Variants in SDK1 observed in about 807,000 individuals in gnomAD.
SDK1 encodes protein sidekick-1.
Under a neutral mutation model 245.5 loss-of-function variants are expected in SDK1, and 157 were observed. That is an observed-to-expected ratio of 0.64 (90% confidence interval 0.56 to 0.73). The LOEUF is 0.73. Ranked by LOEUF, SDK1 falls within the 30% of genes least tolerant of loss-of-function variation. The pLI is 0.00. For synonymous variants in SDK1, 1,647 were observed against 1,278.5 expected (o/e 1.29, Z -6.15); for missense variants, 3,583 against 3,002.3 (o/e 1.19, Z -4.52).
rs78098935 is a variant in SDK1 at position 3,384,138 on chromosome 7, G to A, written c.298+82254G>A. Among the ~76,000 whole-genome samples, 167 of 152,106 alleles carry A rather than the reference G, an allele frequency of 1.1e-3. 1 individual carries two copies. Among genetic ancestry groups the A allele is most frequent in the African/African-American group, 3.8e-3 (159 of 41,502 alleles). ...TATTTGAAATGAAACTTCTTTTACAGCTATTCATGGAAGAAAACTTTAATA... is the reference window on the plus strand; with the variant it reads ...TATTTGAAATGAAACTTCTTTTACAACTATTCATGGAAGAAAACTTTAATA... On this transcript the variant is annotated intron_variant, in intron 1 of 44. Coordinates refer to ENST00000404826, the MANE Select transcript of SDK1 (RefSeq NM_152744.4).
At chr7:4,133,298 A>C (rs1293663507) in intron 28 of SDK1, among the ~76,000 whole-genome samples, 2 of 152,206 alleles carry the variant, frequency 1.3e-5, no homozygotes, top group Non-Finnish European at 2.9e-5. Context: ...ATTTTAAAAC[A>C]TCCCAGTTCC....
intron 4 of SDK1, among the ~76,000 whole-genome samples, chr7:3,767,835 C>G (rs886145828): frequency 3.3e-5 from 5 of 152,124 alleles, no homozygotes; most frequent in African/African-American, 1.2e-4. Context: ...AAAAAAATAG[C>G]ACAACAAAGT....
chr7:3,664,448 A>G (rs1783462469), intron 4 of SDK1, among the ~76,000 whole-genome samples: 1 of 152,144 alleles, frequency 6.6e-6, no homozygotes, highest in Admixed American at 6.5e-5. Context: ...TATAAATTTG[A>G]GAACTAGCAT....
rs147814149 is a variant in SDK1, at chr7:3,485,147, C to T, written c.299-133933C>T. Reference sequence around the variant, plus strand: ...ACCGTATGAACATTCTTTTTCTCTGCATCCTAGCCAGCATTTGTTATTTTC... The same window carrying T: ...ACCGTATGAACATTCTTTTTCTCTGTATCCTAGCCAGCATTTGTTATTTTC... On this transcript the variant is annotated intron_variant, in intron 1 of 44. Transcript: ENST00000404826. Among the ~76,000 whole-genome samples the T allele has an allele frequency of 7.6e-4, 115 of 152,232 alleles. 4 individuals are homozygous for T. In the East Asian group the frequency reaches 0.022, roughly 29 times the overall value.
intron 22 of SDK1, among the ~76,000 whole-genome samples, chr7:4,103,023 CAG>C (rs900844989): frequency 7.1e-6 from 1 of 141,556 alleles, no homozygotes; most frequent in Non-Finnish European, 1.5e-5. Context: ...TTTTTGGAGA[CAG>C]AGTCTCACTC....
intron 4 of SDK1, among the ~76,000 whole-genome samples, chr7:3,773,368 C>T (rs1447112009): frequency 6.6e-6 from 1 of 151,736 alleles, no homozygotes; most frequent in Non-Finnish European, 1.5e-5. Flanking sequence ...TTTTTCTGCT[C>T]CAGAATTTCT....
chr7:3,598,340 T>G (rs2032556149), intron 1 of SDK1, among the ~76,000 whole-genome samples: 1 of 152,250 alleles, frequency 6.6e-6, no homozygotes, highest in African/African-American at 2.4e-5. Context: ...TTTCTCTTAC[T>G]CTGTGGCTTT....
intron 1 of SDK1, among the ~76,000 whole-genome samples, chr7:3,412,626 A>G (rs1562471537): frequency 6.6e-6 from 1 of 152,212 alleles, no homozygotes; most frequent in Admixed American, 6.5e-5. Flanking sequence ...AAGCTGTAGG[A>G]TAAATTCCTA....
chr7:3,830,303 G>A (rs1779881849), intron 5 of SDK1, among the ~76,000 whole-genome samples: 1 of 152,190 alleles, frequency 6.6e-6, no homozygotes, highest in South Asian at 2.1e-4. Context: ...TTATTCAGTA[G>A]TGATTTGCCT....
intron 1 of SDK1, among the ~76,000 whole-genome samples, chr7:3,455,598 G>A (rs1049930491): frequency 6.6e-6 from 1 of 151,970 alleles, no homozygotes; most frequent in Non-Finnish European, 1.5e-5. Context: ...GCATCTTACT[G>A]TGTGTCTTTC....
intron 1 of SDK1, among the ~76,000 whole-genome samples, chr7:3,599,456 CAGA>C (rs1781183826): frequency 6.6e-6 from 1 of 152,176 alleles, no homozygotes; most frequent in Non-Finnish European, 1.5e-5. Context: ...TTTTGAAGAG[CAGA>C]AGGTTTTAAT....
intron 30 of SDK1, among the ~76,000 whole-genome samples, chr7:4,153,445 G>T (rs943656689): frequency 4.6e-5 from 7 of 152,104 alleles, no homozygotes; most frequent in African/African-American, 1.7e-4. Context: ...AATTAGCCAG[G>T]CATGGTGGCA....
At chr7:3,699,091 A>G (rs1437679127) in intron 4 of SDK1, among the ~76,000 whole-genome samples, 3 of 152,208 alleles carry the variant, frequency 2.0e-5, no homozygotes. Flanking sequence ...CACCTGGCAG[A>G]AATGAAGGGC....
intron 1 of SDK1, among the ~76,000 whole-genome samples, chr7:3,549,437 A>T (rs907049040): frequency 2.0e-5 from 3 of 152,128 alleles, no homozygotes; most frequent in Non-Finnish European, 2.9e-5. Context: ...TAACTTAAAA[A>T]TTTTAATATG....
chr7:3,328,999 C>T (rs533117380), intron 1 of SDK1, among the ~76,000 whole-genome samples: 60 of 152,190 alleles, frequency 3.9e-4, no homozygotes, highest in African/African-American at 1.3e-3. Context: ...TTACCCAAAC[C>T]AAAGGTCTCA....
At chr7:4,082,500 A>G (rs1781120765) in intron 22 of SDK1, among the ~76,000 whole-genome samples, 1 of 150,416 alleles carries the variant, frequency 6.6e-6, no homozygotes, top group Admixed American at 6.7e-5. Flanking sequence ...ATGCCACTGT[A>G]CTTCAGCCTG....
chr7:3,892,317 T>C (rs1781479829), intron 5 of SDK1, among the ~76,000 whole-genome samples: 1 of 152,212 alleles, frequency 6.6e-6, no homozygotes, highest in South Asian at 2.1e-4. Context: ...CTGCCGAGCT[T>C]GGCTGTGTTC....
In SDK1 at chr7:4,208,140, A is replaced by C. The variant is rs1228032861; in HGVS notation, c.5256A>C (p.Lys1752Asn). The change falls in exon 37 of 45, where the codon AAA becomes AAC. Residue 1752 changes from lysine (K) to asparagine (N), a missense_variant. Physicochemically the swap from Lys to Asn is moderately conservative, Grantham distance 94 (BLOSUM62 0). Transcript: ENST00000404826. ...CAGACAGCCAGAACGAAACGGAGAAAATGAAGGTCCTCTTCCTCCCCGAGC... is the reference window on the plus strand; with the variant it reads ...CAGACAGCCAGAACGAAACGGAGAACATGAAGGTCCTCTTCCTCCCCGAGC... ...WEADSQNETE[K>N]MKVLFLPEPV... 1.9e-6 allele frequency: 3 copies of C among 1,613,864 alleles called. No individual in the cohort carries two copies. Among genetic ancestry groups the C allele is most frequent in the African/African-American group, 1.3e-5 (1 of 74,920 alleles).
At chr7:3,580,433 A>G (rs149776942) in intron 1 of SDK1, among the ~76,000 whole-genome samples, 2 of 152,324 alleles carry the variant, frequency 1.3e-5, no homozygotes, top group South Asian at 2.1e-4. Context: ...TGGTACTTGT[A>G]CAAAGACAGA....
Sources: allele counts gnomAD v4.1 joint callset (sites outside exome capture counted in the v4.1 genomes callset), GRCh38; gene constraint gnomAD v4.1.1; transcripts MANE v1.5; gene names NCBI Gene and HGNC (gene_info 2026-07-23, HGNC 2026-07-21).